Variants in GPC6 observed in about 807,000 individuals in gnomAD.
GPC6 encodes the protein glypican 6, also known as glypican-6.
In GPC6, 14 loss-of-function variants were observed where a neutral mutation model predicts 55.2. The ratio of observed to expected loss-of-function variants is 0.25; its 90% CI spans 0.17 to 0.40. The LOEUF (loss-of-function observed/expected upper bound fraction) is 0.40, where lower values mean the gene tolerates loss of function less well. Among genes scored for constraint, GPC6 ranks in the 10% least tolerant of loss-of-function variants. GPC6 has a pLI of 1.00. For synonymous variants in GPC6, 278 were observed against 259.6 expected (o/e 1.07, Z -0.68); for missense variants, 641 against 708.5 (o/e 0.90, Z 1.08).
intron 4 of GPC6, among the ~76,000 whole-genome samples, chr13:94,228,354 C>T (rs549735480): frequency 6.4e-4 from 98 of 152,172 alleles, no homozygotes; most frequent in African/African-American, 2.2e-3. Flanking sequence ...AACACAAATA[C>T]ATGTATTTAT....
At chr13:93,946,763 A>G (rs1723938765) in intron 3 of GPC6, among the ~76,000 whole-genome samples, 1 of 152,194 alleles carries the variant, frequency 6.6e-6, no homozygotes, top group South Asian at 2.1e-4. Context: ...CATCAGTCTA[A>G]GTGCTGGCTT....
intron 1 of GPC6, among the ~76,000 whole-genome samples, chr13:93,402,083 G>T (rs951930013): frequency 6.6e-6 from 1 of 152,154 alleles, no homozygotes; most frequent in African/African-American, 2.4e-5. Flanking sequence ...GTAAAAGGAA[G>T]AGTCAGGATG....
intron 3 of GPC6, among the ~76,000 whole-genome samples, chr13:94,024,983 CA>C (rs1566302780): frequency 6.6e-6 from 1 of 152,086 alleles, no homozygotes; most frequent in Non-Finnish European, 1.5e-5. Flanking sequence ...GCATGTTGTG[CA>C]TAGCACAAGG....
At chr13:94,025,146 T>C (rs1291026609) in intron 3 of GPC6, among the ~76,000 whole-genome samples, 1 of 152,176 alleles carries the variant, frequency 6.6e-6, no homozygotes, top group African/African-American at 2.4e-5. Context: ...TTAATACCAA[T>C]GGTGAGATAA....
At chr13:94,211,624 A>G (rs989655483) in intron 4 of GPC6, among the ~76,000 whole-genome samples, 1 of 152,360 alleles carries the variant, frequency 6.6e-6, no homozygotes, top group East Asian at 1.9e-4. Flanking sequence ...AGGAATTAGT[A>G]TCATTACCAA....
chr13:93,411,470 C>A (rs2139245238), intron 1 of GPC6, among the ~76,000 whole-genome samples: 1 of 152,266 alleles, frequency 6.6e-6, no homozygotes, highest in Middle Eastern at 3.4e-3. Flanking sequence ...GAGAAAGAAC[C>A]ACTTAGTGCA....
chr13:94,085,344 AG>A lies in GPC6; in HGVS notation c.877+57453del, dbSNP rs1555294279. ...CTCAAAAAAAAAAAAAAAAAAAAAA[AG>A]GGAAGAAAAAGAAAAAAGAAAAGAA... On this transcript the variant is annotated intron_variant, in intron 4 of 8. Coordinates refer to ENST00000377047, the MANE Select transcript of GPC6 (RefSeq NM_005708.5). 1.5e-3 allele frequency among the ~76,000 whole-genome samples: 197 copies of A among 132,708 alleles called. 1 individual carries two copies. Among genetic ancestry groups the A allele is most frequent in the African/African-American group, 5.5e-3 (187 of 33,966 alleles). 87.1% of individuals were successfully genotyped at this position (132,708 alleles called of 152,430 possible). A position where few individuals can be genotyped will look rare whatever the true frequency, so the allele number is the denominator to read the frequency against.
At chr13:93,675,069 A>T (rs941694727) in intron 2 of GPC6, among the ~76,000 whole-genome samples, 1 of 152,158 alleles carries the variant, frequency 6.6e-6, no homozygotes, top group Non-Finnish European at 1.5e-5. Flanking sequence ...TCCTATATTG[A>T]TAGCTTTTTT....
At chr13:93,633,198 G>T (rs1297878060) in intron 2 of GPC6, among the ~76,000 whole-genome samples, 1 of 152,124 alleles carries the variant, frequency 6.6e-6, no homozygotes, top group African/African-American at 2.4e-5. Flanking sequence ...TGACTTCAAG[G>T]TAACTGAGTT....
intron 1 of GPC6, among the ~76,000 whole-genome samples, chr13:93,539,629 A>G (rs11619145): frequency 6.6e-6 from 1 of 152,160 alleles, no homozygotes. Flanking sequence ...GAAGACTAGC[A>G]CAAGGATAAA....
chr13:93,880,248 A>C (rs1166831911), intron 3 of GPC6, among the ~76,000 whole-genome samples: 3 of 151,642 alleles, frequency 2.0e-5, no homozygotes, highest in Admixed American at 2.0e-4. Flanking sequence ...TCATGCTGCT[A>C]TAAAGACACA....
At chr13:93,689,620 T>C (rs1402873212) in intron 2 of GPC6, among the ~76,000 whole-genome samples, 2 of 152,110 alleles carry the variant, frequency 1.3e-5, no homozygotes, top group East Asian at 1.9e-4. Flanking sequence ...GTAAATTGTA[T>C]GTATATGGTC....
intron 3 of GPC6, among the ~76,000 whole-genome samples, chr13:93,975,005 C>A (rs930608622): frequency 3.5e-4 from 54 of 152,158 alleles, no homozygotes; most frequent in Admixed American, 1.4e-3. Context: ...CTCTTACCTA[C>A]AATGCTAGTG....
At chr13:94,203,467 A>G (rs933118515) in intron 4 of GPC6, among the ~76,000 whole-genome samples, 1 of 152,154 alleles carries the variant, frequency 6.6e-6, no homozygotes, top group East Asian at 1.9e-4. Context: ...GTTGTTTTTC[A>G]GAGTTTGTAA....
At chr13:94,339,978 G>A (rs1476938369) in intron 6 of GPC6, among the ~76,000 whole-genome samples, 1 of 151,704 alleles carries the variant, frequency 6.6e-6, no homozygotes, top group Non-Finnish European at 1.5e-5. Flanking sequence ...GGTCAGTCTG[G>A]TCTCAAACTC....
chr13:93,311,786 T>C (rs539610966), intron 1 of GPC6, among the ~76,000 whole-genome samples: 39 of 152,300 alleles, frequency 2.6e-4, no homozygotes, highest in African/African-American at 9.1e-4. Flanking sequence ...GTGGAAGCAG[T>C]GACAGAATCC....
At chr13:93,881,503 C>T (rs968493645) in intron 3 of GPC6, among the ~76,000 whole-genome samples, 1 of 151,992 alleles carries the variant, frequency 6.6e-6, no homozygotes, top group African/African-American at 2.4e-5. Flanking sequence ...TTAGGCTTGA[C>T]ATTTTTCCAA....
intron 2 of GPC6, among the ~76,000 whole-genome samples, chr13:93,807,741 T>C (rs941972812): frequency 2.0e-5 from 3 of 152,206 alleles, no homozygotes; most frequent in African/African-American, 7.2e-5. Context: ...CACTGGTGTA[T>C]GGTAGACTCC....
At position 93,231,361 on chromosome 13, in the gene GPC6, GTA is replaced by G. The variant is rs1229841914; in HGVS notation, c.160+3762_160+3763del. ...TATATATATACATATATATATATAC[GTA>G]TATATATATATATATACATATATAT... On this transcript the variant is annotated intron_variant, in intron 1 of 8. Coordinates refer to ENST00000377047, the MANE Select transcript of GPC6 (RefSeq NM_005708.5). Among the ~76,000 whole-genome samples the G allele has an allele frequency of 7.9e-3, 681 of 86,010 alleles. 12 individuals are homozygous for G. Among genetic ancestry groups the G allele is most frequent in the African/African-American group, 0.022 (463 of 21,248 alleles). 56.4% of individuals were successfully genotyped at this position (86,010 alleles called of 152,430 possible).
Sources: allele counts gnomAD v4.1 joint callset (sites outside exome capture counted in the v4.1 genomes callset), GRCh38; gene constraint gnomAD v4.1.1; transcripts MANE v1.5; gene names NCBI Gene and HGNC (gene_info 2026-07-23, HGNC 2026-07-21).